CYRIA: variants seen among roughly 807,000 people sequenced by gnomAD.
CYRIA encodes CYFIP related Rac1 interactor A.
A neutral mutation model predicts 43.9 loss-of-function variants in CYRIA; 15 were observed. The ratio of observed to expected loss-of-function variants is 0.34; its 90% CI spans 0.23 to 0.53. CYRIA has a LOEUF of 0.53. Ranked by LOEUF, CYRIA falls within the 20% of genes least tolerant of loss-of-function variation. CYRIA has a pLI of 0.94. For missense variants in CYRIA, 236 were observed against 394.2 expected (o/e 0.60, Z 3.40); for synonymous variants, 117 against 136.0 (o/e 0.86, Z 0.97).
intron 2 of CYRIA, among the ~76,000 whole-genome samples, chr2:16,593,222 T>C (rs1667989884): frequency 6.6e-6 from 1 of 152,208 alleles, no homozygotes. Flanking sequence ...TTCCATATGA[T>C]TTCCATTTTT....
intron 1 of CYRIA, among the ~76,000 whole-genome samples, chr2:16,657,976 A>ATAGCT (rs1670161456): frequency 6.6e-6 from 1 of 152,226 alleles, no homozygotes; most frequent in Non-Finnish European, 1.5e-5. Context: ...GTGTCAAAAA[A>ATAGCT]TAGCTTATGA....
chr2:16,661,104 G>A (rs532434748), intron 1 of CYRIA, among the ~76,000 whole-genome samples: 14 of 152,120 alleles, frequency 9.2e-5, no homozygotes, highest in Admixed American at 8.5e-4. Context: ...GCAACATGGC[G>A]AAACCCCACC....
intron 1 of CYRIA, among the ~76,000 whole-genome samples, chr2:16,645,626 A>G (rs1009326690): frequency 6.6e-6 from 1 of 152,232 alleles, no homozygotes; most frequent in Non-Finnish European, 1.5e-5. Flanking sequence ...TGACTCTAAT[A>G]TAAGGTGGAA....
chr2:16,632,338 C>T (rs892884902), intron 1 of CYRIA, among the ~76,000 whole-genome samples: 27 of 152,202 alleles, frequency 1.8e-4, no homozygotes, highest in African/African-American at 6.5e-4. Context: ...ACAATGAAGC[C>T]TCTTCTATAG....
intron 1 of CYRIA, among the ~76,000 whole-genome samples, chr2:16,641,055 C>G (rs1669661672): frequency 6.6e-6 from 1 of 152,146 alleles, no homozygotes; most frequent in African/African-American, 2.4e-5. Context: ...CCTACAGTGC[C>G]TCACATCCGC....
At chr2:16,663,662 G>C (rs1001697620) in intron 1 of CYRIA, among the ~76,000 whole-genome samples, 2 of 151,884 alleles carry the variant, frequency 1.3e-5, no homozygotes, top group Non-Finnish European at 2.9e-5. Context: ...ATTCTTCTTG[G>C]TGCTGAGTAA....
intron 1 of CYRIA, among the ~76,000 whole-genome samples, chr2:16,661,492 C>T (rs1466170273): frequency 6.6e-6 from 1 of 152,226 alleles, no homozygotes; most frequent in Non-Finnish European, 1.5e-5. Flanking sequence ...AAGGAAGCTA[C>T]TTCTAGCATC....
At chr2:16,615,043 C>A (rs1668732505) in intron 2 of CYRIA, among the ~76,000 whole-genome samples, 2 of 152,230 alleles carry the variant, frequency 1.3e-5, no homozygotes, top group African/African-American at 4.8e-5. Flanking sequence ...GCAATGAATT[C>A]TGCATAAATT....
intron 1 of CYRIA, among the ~76,000 whole-genome samples, chr2:16,627,273 G>A (rs1669201326): frequency 6.6e-6 from 1 of 152,162 alleles, no homozygotes; most frequent in Non-Finnish European, 1.5e-5. Flanking sequence ...CCTCCGGGGT[G>A]GGCAATCAAG....
Position 16,601,938 on chromosome 2 carries a change from G to C in CYRIA, c.-10-13809C>G, listed in dbSNP as rs550628179. ...ACATATCAAAGGAAGCAGGCCCAGG[G>C]AACAGGGCAGTGTGAATGATGACCT... On this transcript the variant is annotated intron_variant, in intron 2 of 11. Transcript: ENST00000381323. Among the ~76,000 whole-genome samples the C allele has an allele frequency of 9.9e-5, 15 of 152,282 alleles. No homozygotes were observed. In the South Asian group the frequency reaches 2.9e-3, roughly 29 times the overall value.
At chr2:16,571,022 A>C (rs189341274) in intron 3 of CYRIA, among the ~76,000 whole-genome samples, 155 of 152,300 alleles carry the variant, frequency 1.0e-3, no homozygotes, top group African/African-American at 3.5e-3. Context: ...GGAGCCCTGG[A>C]ACAAGTGTAT....
intron 1 of CYRIA, among the ~76,000 whole-genome samples, chr2:16,651,555 T>C (rs986955465): frequency 1.3e-5 from 2 of 152,200 alleles, no homozygotes; most frequent in African/African-American, 4.8e-5. Flanking sequence ...CTTGTGAACA[T>C]GGGTCCCGCA....
chr2:16,626,598 G>C lies in CYRIA; in HGVS notation c.-166-2579C>G, dbSNP rs372063861. On this transcript the variant is annotated intron_variant, in intron 1 of 11. Transcript: ENST00000381323. ...AACAACAAAAAGTCAGCATATGTTT[G>C]AGAGGACTCCAAGCCTTCTGAAGCA... 3.3e-5 allele frequency among the ~76,000 whole-genome samples: 5 copies of C among 152,214 alleles called. No individual in the cohort carries two copies. The East Asian group carries it at 9.6e-4, about 29-fold the overall frequency.
intron 5 of CYRIA, among the ~76,000 whole-genome samples, chr2:16,563,262 C>T (rs977389876): frequency 1.8e-4 from 28 of 152,230 alleles, no homozygotes; most frequent in Non-Finnish European, 2.2e-4. Flanking sequence ...TCTTGGAAAA[C>T]GGGTTTGGTT....
chr2:16,631,765 A>C (rs1230715896), intron 1 of CYRIA, among the ~76,000 whole-genome samples: 3 of 152,240 alleles, frequency 2.0e-5, no homozygotes, highest in Non-Finnish European at 4.4e-5. Flanking sequence ...TATCAGATGT[A>C]ACGGTATGTT....
In CYRIA at chr2:16,549,776, T is replaced by C. The variant is rs1398346541; in HGVS notation, c.*3160A>G. 4 of 152,134 alleles carry C rather than the reference T, an allele frequency of 2.6e-5. No individual in the cohort carries two copies. Among genetic ancestry groups the C allele is most frequent in the African/African-American group, 9.7e-5 (4 of 41,432 alleles). The allele number at this position is 152,134 out of a possible 1,614,324, so 9.4% of individuals were successfully genotyped here. A position where few individuals can be genotyped will look rare whatever the true frequency, so the allele number is the denominator to read the frequency against. On this transcript the variant is annotated 3_prime_UTR_variant, in exon 12 of 12. Transcript: ENST00000381323. ...GGATCCTAAGATTGGGAGGCTTAAT[T>C]TTTCTTTGGGGAAAACATGAAATTA... is the stretch of plus-strand genomic sequence containing the variant.
chr2:16,571,499 C>A (rs1667126534), intron 3 of CYRIA, among the ~76,000 whole-genome samples: 1 of 152,190 alleles, frequency 6.6e-6, no homozygotes, highest in African/African-American at 2.4e-5. Flanking sequence ...ATAGATCGGC[C>A]AAGGACTTAC....
chr2:16,601,141 T>C (rs966837417), intron 2 of CYRIA, among the ~76,000 whole-genome samples: 7 of 152,126 alleles, frequency 4.6e-5, no homozygotes, highest in Non-Finnish European at 7.3e-5. Context: ...CTAGTGCTAC[T>C]CAATAGCATG....
intron 2 of CYRIA, among the ~76,000 whole-genome samples, chr2:16,600,505 T>C (rs1180723402): frequency 6.6e-6 from 1 of 152,180 alleles, no homozygotes; most frequent in African/African-American, 2.4e-5. Flanking sequence ...AAGACATGGC[T>C]TCCGCATTCA....
Sources: allele counts gnomAD v4.1 joint callset (sites outside exome capture counted in the v4.1 genomes callset), GRCh38; gene constraint gnomAD v4.1.1; transcripts MANE v1.5; gene names NCBI Gene and HGNC (gene_info 2026-07-23, HGNC 2026-07-21).